CCDC102B: variants seen among roughly 807,000 people sequenced by gnomAD.
CCDC102B encodes the protein coiled-coil domain-containing protein 102B.
A neutral mutation model predicts 57.4 loss-of-function variants in CCDC102B; 75 were observed. That is an observed-to-expected ratio of 1.31 (90% CI 1.08 to 1.58). The LOEUF is 1.58. CCDC102B is among the 40% of genes most tolerant of loss of function. CCDC102B has a pLI of 0.00. For missense variants in CCDC102B, 636 were observed against 582.6 expected (o/e 1.09, Z -0.94); for synonymous variants, 206 against 201.9 (o/e 1.02, Z -0.17).
intron 2 of CCDC102B, among the ~76,000 whole-genome samples, chr18:68,766,922 T>A (rs1048589751): frequency 6.6e-5 from 10 of 152,210 alleles, no homozygotes; most frequent in Non-Finnish European, 1.3e-4. Context: ...TTATTTTACA[T>A]AACACTGATT....
intron 5 of CCDC102B, among the ~76,000 whole-genome samples, chr18:68,879,856 T>C (rs902998338): frequency 1.3e-5 from 2 of 152,294 alleles, no homozygotes; most frequent in Middle Eastern, 6.8e-3. Flanking sequence ...GAGTGCCGAT[T>C]GGTGTATTTA....
intron 3 of CCDC102B, among the ~76,000 whole-genome samples, chr18:68,841,095 T>G (rs1057337523): frequency 9.9e-5 from 15 of 152,236 alleles, no homozygotes; most frequent in Admixed American, 6.5e-5. Flanking sequence ...TCAGTCTTTT[T>G]TTCTATCACA....
chr18:68,911,565 A>C (rs1362622132), intron 6 of CCDC102B, among the ~76,000 whole-genome samples: 1 of 150,914 alleles, frequency 6.6e-6, no homozygotes, highest in Non-Finnish European at 1.5e-5. Context: ...ATCCTGGCTA[A>C]CACGGTGAAA....
At chr18:68,996,455 G>A (rs981874460) in intron 6 of CCDC102B, among the ~76,000 whole-genome samples, 1 of 152,238 alleles carries the variant, frequency 6.6e-6, no homozygotes, top group South Asian at 2.1e-4. Context: ...GCCTATTGGG[G>A]GACTTTACCT....
chr18:68,766,060 A>G (rs772021978), intron 2 of CCDC102B, among the ~76,000 whole-genome samples: 9 of 152,166 alleles, frequency 5.9e-5, no homozygotes, highest in Non-Finnish European at 1.2e-4. Flanking sequence ...TTAACCATAG[A>G]TACATTCAAG....
chr18:68,918,550 A>C (rs9947590), intron 6 of CCDC102B, among the ~76,000 whole-genome samples: 140,442 of 152,166 alleles, frequency 0.92, 64,870 homozygotes, highest in East Asian at 0.99. Flanking sequence ...TTGTCTGTTA[A>C]AATTAAACCT....
intron 4 of CCDC102B, chr18:68,866,963 C>T: frequency 4.6e-6 from 2 of 438,876 alleles, no homozygotes; most frequent in Non-Finnish European, 8.9e-6. Context: ...TCCACAGCTA[C>T]ATCAATCTAG....
chr18:68,842,939 G>A (rs2144806386), intron 3 of CCDC102B, among the ~76,000 whole-genome samples: 1 of 152,260 alleles, frequency 6.6e-6, no homozygotes, highest in South Asian at 2.1e-4. Context: ...TACAGGCAGT[G>A]GGGTCTTCAT....
At chr18:69,008,904 A>T (rs1470964288) in intron 6 of CCDC102B, among the ~76,000 whole-genome samples, 1 of 152,184 alleles carries the variant, frequency 6.6e-6, no homozygotes, top group Non-Finnish European at 1.5e-5. Flanking sequence ...CTGCCATATT[A>T]TATTGAAGGG....
intron 4 of CCDC102B, among the ~76,000 whole-genome samples, chr18:68,872,083 A>G (rs528086911): frequency 2.6e-5 from 4 of 152,144 alleles, no homozygotes; most frequent in Non-Finnish European, 5.9e-5. Context: ...AACATATTCA[A>G]TAATTTTGGG....
At position 68,837,329 on chromosome 18, in the gene CCDC102B, TA is replaced by T. The variant is rs1469400254; in HGVS notation, c.571del (p.Arg191AspfsTer21). Reference sequence around the variant, plus strand: ...CATGAGTCTATCAGAGAGTATTTGGTAAAAAGACAATTTTCTACAAAGGAGG... The same window carrying T: ...CATGAGTCTATCAGAGAGTATTTGGTAAAAGACAATTTTCTACAAAGGAGG... ...QMHESIREYL[V>X]KRQFSTKEDT... On this transcript the variant is annotated frameshift_variant, in exon 2 of 8. Transcript: ENST00000360242. LOFTEE classifies it high-confidence loss of function. The T allele has an allele frequency of 1.2e-6, 2 of 1,610,336 alleles. No individual in the cohort carries two copies. The highest frequency in any genetic ancestry group is 1.7e-6 in the Non-Finnish European group (2 of 1,178,594).
intron 7 of CCDC102B, among the ~76,000 whole-genome samples, chr18:69,015,738 T>TTTG (rs1289097744): frequency 2.0e-5 from 3 of 152,246 alleles, no homozygotes; most frequent in African/African-American, 7.2e-5. Flanking sequence ...GAGTTGCTTA[T>TTTG]TTTAAGCAAA....
intron 4 of CCDC102B, among the ~76,000 whole-genome samples, chr18:68,864,743 A>G (rs1163788942): frequency 6.6e-6 from 1 of 152,036 alleles, no homozygotes; most frequent in African/African-American, 2.4e-5. Flanking sequence ...TCATTATTAC[A>G]TGAATTAATT....
chr18:69,017,038 GT>G (rs921715697), intron 7 of CCDC102B, among the ~76,000 whole-genome samples: 7 of 151,922 alleles, frequency 4.6e-5, no homozygotes, highest in Admixed American at 4.6e-4. Flanking sequence ...ATTAAAAAGG[GT>G]TTAATCTCTC....
chr18:68,972,232 C>G (rs17080003), intron 6 of CCDC102B, among the ~76,000 whole-genome samples: 2 of 152,066 alleles, frequency 1.3e-5, no homozygotes, highest in African/African-American at 4.8e-5. Flanking sequence ...TTTCTTCGAC[C>G]ATGAAAAAAG....
chr18:68,730,610 ATCTTT>A (rs936454038), intron 2 of CCDC102B, among the ~76,000 whole-genome samples: 6 of 152,196 alleles, frequency 3.9e-5, no homozygotes, highest in African/African-American at 1.4e-4. Context: ...ATCTGTTATC[ATCTTT>A]TCCCTGAATT....
At chr18:69,013,931 C>A (rs1026903552) in intron 7 of CCDC102B, among the ~76,000 whole-genome samples, 1 of 152,054 alleles carries the variant, frequency 6.6e-6, no homozygotes. Flanking sequence ...GTGGCAAGGA[C>A]CAAATCATCA....
intron 1 of CCDC102B, among the ~76,000 whole-genome samples, chr18:68,833,658 G>A (rs1301175957): frequency 1.3e-5 from 2 of 152,106 alleles, no homozygotes; most frequent in Non-Finnish European, 2.9e-5. Context: ...ATTGGTCCAA[G>A]ATCATCGTCT....
At chr18:68,722,478 A>T (rs1292504100) in intron 2 of CCDC102B, among the ~76,000 whole-genome samples, 3 of 152,176 alleles carry the variant, frequency 2.0e-5, no homozygotes, top group African/African-American at 7.2e-5. Context: ...TGCTTTGGGG[A>T]CCTAAAAAGG....
Sources: gnomAD v4.1 joint callset for allele counts (sites outside exome capture counted in the v4.1 genomes callset) on GRCh38, gnomAD v4.1.1 for gene constraint, MANE v1.5 for transcripts, NCBI Gene and HGNC (gene_info 2026-07-23, HGNC 2026-07-21) for gene names.